PCLO: variants seen among roughly 807,000 people sequenced by gnomAD.
PCLO encodes the protein piccolo presynaptic cytomatrix protein.
A neutral mutation model predicts 427.5 loss-of-function variants in PCLO; 82 were observed. That is an observed-to-expected ratio of 0.19 (90% CI 0.16 to 0.23). The LOEUF is 0.23. PCLO is among the 10% of genes least tolerant of loss of function. PCLO has a pLI of 1.00. For missense variants in PCLO, 6,239 were observed against 6,115.9 expected (o/e 1.02, Z -0.67); for synonymous variants, 2,357 against 2,155.4 (o/e 1.09, Z -2.59).
chr7:82,898,925 G>T (rs900623074), intron 9 of PCLO, among the ~76,000 whole-genome samples: 8 of 151,252 alleles, frequency 5.3e-5, no homozygotes, highest in Non-Finnish European at 7.4e-5. Context: ...TTTCAGATAT[G>T]ATATCATTTG....
At position 82,953,687 on chromosome 7, in the gene PCLO, A is replaced by C; in HGVS notation, c.7266T>G (p.Pro2422=). The C allele has an allele frequency of 2.1e-6, 1 of 486,144 alleles. No individual in the cohort carries two copies. Among genetic ancestry groups the C allele is most frequent in the Non-Finnish European group, 3.2e-6 (1 of 313,080 alleles). The allele number at this position is 486,144 out of a possible 1,614,324, so 30.1% of individuals were successfully genotyped here. Residue 2422 remains proline (P), a synonymous_variant, in exon 5 of 25, where the codon CCT becomes CCG. Coordinates refer to ENST00000333891, the MANE Select transcript of PCLO (RefSeq NM_033026.6). Reference sequence around the variant, plus strand: ...TTGGTGGAGGAAGTGGTGGGGGAGGAGGGGGTGGTGGTGGAGGAGGAGGAG... The same window carrying C: ...TTGGTGGAGGAAGTGGTGGGGGAGGCGGGGGTGGTGGTGGAGGAGGAGGAG... The part of the protein sequence containing the change: ...PPPPPPPPPP[P]PPPPLPPPTS...
intron 3 of PCLO, among the ~76,000 whole-genome samples, chr7:83,074,828 AT>A (rs1392742967): frequency 1.3e-5 from 2 of 152,192 alleles, no homozygotes; most frequent in Non-Finnish European, 2.9e-5. Flanking sequence ...CCATTTGTGT[AT>A]TCACAGGAAG....
intron 22 of PCLO, among the ~76,000 whole-genome samples, chr7:82,790,691 ATCT>A (rs1446025801): frequency 1.3e-5 from 2 of 152,176 alleles, no homozygotes; most frequent in African/African-American, 4.8e-5. Context: ...TGCATTAATA[ATCT>A]TCTGTAGATC....
chr7:82,853,822 C>T (rs1222496901), intron 10 of PCLO, among the ~76,000 whole-genome samples: 4 of 152,066 alleles, frequency 2.6e-5, no homozygotes, highest in Non-Finnish European at 5.9e-5. Context: ...ATCCTTGACT[C>T]CCTCAAGGGG....
Position 82,757,362 on chromosome 7 carries a change from T to G in PCLO, c.*1213A>C, listed in dbSNP as rs968913475. 6.6e-6 allele frequency: 1 copy of G among 152,008 alleles called. No homozygotes were observed. Among genetic ancestry groups the G allele is most frequent in the Non-Finnish European group, 1.5e-5 (1 of 67,922 alleles). 9.4% of individuals were successfully genotyped at this position (152,008 alleles called of 1,614,324 possible). On this transcript the variant is annotated 3_prime_UTR_variant, in exon 25 of 25. Transcript: ENST00000333891. The stretch of plus-strand genomic sequence containing the variant: ...ATTTTAATCTCAGGTAAATGTTGAC[T>G]TTTCACATATTTTCCCAACATTGAT...
In PCLO at chr7:83,155,124, G is replaced by A; in HGVS notation, c.1517C>T (p.Ser506Leu). Residue 506 changes from serine to leucine, a missense_variant, in exon 2 of 25, where the codon TCA becomes TTA. Ser to Leu is a moderately radical substitution (Grantham distance 145). Coordinates refer to ENST00000333891, the MANE Select transcript of PCLO (RefSeq NM_033026.6). ...AGGCTGTTGAGGTGGGGGTTTTGTTGAGCCAGGCTGTTGAGATGGGGGCTT... is the reference window on the plus strand; with the variant it reads ...AGGCTGTTGAGGTGGGGGTTTTGTTAAGCCAGGCTGTTGAGATGGGGGCTT... ...SAKPPSQQPGSTKPPPQQPGP... is the reference protein window; with the variant it reads ...SAKPPSQQPGLTKPPPQQPGP... The A allele has an allele frequency of 1.3e-6, 2 of 1,516,268 alleles. No homozygotes were observed. Among genetic ancestry groups the A allele is most frequent in the Non-Finnish European group, 1.8e-6 (2 of 1,114,674 alleles). The allele number at this position is 1,516,268 out of a possible 1,614,324, so 93.9% of individuals were successfully genotyped here. A position where few individuals can be genotyped will look rare whatever the true frequency, so the allele number is the denominator to read the frequency against.
chr7:82,992,842 A>G (rs1796408835), intron 3 of PCLO, among the ~76,000 whole-genome samples: 1 of 152,080 alleles, frequency 6.6e-6, no homozygotes, highest in Admixed American at 6.6e-5. Flanking sequence ...AAGTACATTC[A>G]TTCACCAAGG....
At chr7:82,769,675 A>T (rs1213926466) in intron 22 of PCLO, among the ~76,000 whole-genome samples, 3 of 152,150 alleles carry the variant, frequency 2.0e-5, no homozygotes, top group Non-Finnish European at 4.4e-5. Context: ...TCTGCGTAAG[A>T]AAAAAAGCAG....
chr7:82,922,253 A>G (rs964922024), intron 6 of PCLO, among the ~76,000 whole-genome samples: 4 of 151,980 alleles, frequency 2.6e-5, no homozygotes, highest in Admixed American at 6.6e-5. Flanking sequence ...ACTCAAAGGA[A>G]TATATATCGA....
chr7:83,027,482 A>G (rs2116108565), intron 3 of PCLO, among the ~76,000 whole-genome samples: 2 of 152,158 alleles, frequency 1.3e-5, no homozygotes, highest in South Asian at 4.1e-4. Context: ...CCAACCAAAA[A>G]GAGTCCAGGA....
chr7:82,843,432 G>A (rs1318022249), intron 13 of PCLO, among the ~76,000 whole-genome samples: 1 of 151,990 alleles, frequency 6.6e-6, no homozygotes, highest in East Asian at 1.9e-4. Flanking sequence ...TGGTCAAAGG[G>A]TACAAACTTC....
rs1791194310 is a variant in PCLO at position 83,118,673 on chromosome 7, G to A, written c.3300+15577C>T. On this transcript the variant is annotated intron_variant, in intron 3 of 24. Transcript: ENST00000333891. ...CATTTCAAGCAGCCCCAGCCAGAGG[G>A]GAATCCTCTACTCCAGCAGTAGGAA... is the stretch of plus-strand genomic sequence containing the variant. Among the ~76,000 whole-genome samples, 2 of 152,132 alleles carry A rather than the reference G, an allele frequency of 1.3e-5. 1 individual carries two copies. The highest frequency in any genetic ancestry group is 4.1e-4 in the South Asian group (2 of 4,828).
chr7:82,960,098 G>T (rs913551928), intron 4 of PCLO, among the ~76,000 whole-genome samples: 1 of 152,262 alleles, frequency 6.6e-6, no homozygotes, highest in South Asian at 2.1e-4. Context: ...TATTGTTAAA[G>T]AACTGAATTC....
chr7:82,938,045 A>G (rs554728749), intron 6 of PCLO, among the ~76,000 whole-genome samples: 2 of 151,920 alleles, frequency 1.3e-5, no homozygotes, highest in Non-Finnish European at 2.9e-5. Context: ...GACAAAGTCA[A>G]TAACAGGACA....
chr7:83,034,397 C>T (rs1411198602), intron 3 of PCLO, among the ~76,000 whole-genome samples: 1 of 152,188 alleles, frequency 6.6e-6, no homozygotes, highest in Non-Finnish European at 1.5e-5. Context: ...CCATGTTGGC[C>T]AAGCTGGTCT....
At chr7:83,091,326 T>C (rs1790372927) in intron 3 of PCLO, among the ~76,000 whole-genome samples, 1 of 152,162 alleles carries the variant, frequency 6.6e-6, no homozygotes, top group East Asian at 1.9e-4. Flanking sequence ...AAAGGACTGA[T>C]GACACAAAAA....
intron 8 of PCLO, among the ~76,000 whole-genome samples, chr7:82,904,712 G>A (rs961625466): frequency 6.6e-6 from 1 of 151,950 alleles, no homozygotes; most frequent in African/African-American, 2.4e-5. Flanking sequence ...CAGTTTAGAA[G>A]AGTCATCATC....
At chr7:82,837,616 A>G (rs1407491017) in intron 15 of PCLO, among the ~76,000 whole-genome samples, 1 of 152,034 alleles carries the variant, frequency 6.6e-6, no homozygotes, top group Non-Finnish European at 1.5e-5. Flanking sequence ...TCCAAAGAAC[A>G]CTTGCTTATA....
chr7:83,074,010 A>G (rs1272828061), intron 3 of PCLO, among the ~76,000 whole-genome samples: 1 of 151,890 alleles, frequency 6.6e-6, no homozygotes, highest in Non-Finnish European at 1.5e-5. Context: ...AATTCAGCAT[A>G]CTATTAAATA....
Sources: allele counts gnomAD v4.1 joint callset (sites outside exome capture counted in the v4.1 genomes callset), GRCh38; gene constraint gnomAD v4.1.1; transcripts MANE v1.5; gene names NCBI Gene and HGNC (gene_info 2026-07-23, HGNC 2026-07-21).